The following FARP1 variants were observed in gnomAD, a reference collection of about 807,000 sequenced individuals.
FARP1 encodes FERM, ARH/RhoGEF and pleckstrin domain protein 1, also known as FERM, ARHGEF and pleckstrin domain-containing protein 1.
In FARP1, 52 loss-of-function variants were observed where a neutral mutation model predicts 128.8. The ratio of observed to expected loss-of-function variants is 0.40; its 90% CI spans 0.32 to 0.51. The LOEUF is 0.51. Among genes scored for constraint, FARP1 ranks in the 20% least tolerant of loss-of-function variants. The pLI is 0.45. For missense variants in FARP1, 1,333 were observed against 1,367.9 expected (o/e 0.97, Z 0.40); for synonymous variants, 580 against 551.8 (o/e 1.05, Z -0.72).
At chr13:98,157,075 C>T (rs982256472) in intron 1 of FARP1, among the ~76,000 whole-genome samples, 2 of 152,226 alleles carry the variant, frequency 1.3e-5, no homozygotes, top group Non-Finnish European at 2.9e-5. Context: ...GATCACCTCA[C>T]TGCATCACCG....
At chr13:98,442,894 TG>T (rs1892586660) in intron 24 of FARP1, among the ~76,000 whole-genome samples, 1 of 152,218 alleles carries the variant, frequency 6.6e-6, no homozygotes, top group African/African-American at 2.4e-5. Flanking sequence ...GGCTGGGGTT[TG>T]TCATAGGCCT....
At chr13:98,354,447 T>G (rs1388459095) in intron 3 of FARP1, among the ~76,000 whole-genome samples, 1 of 152,226 alleles carries the variant, frequency 6.6e-6, no homozygotes, top group Non-Finnish European at 1.5e-5. Context: ...ACGTTAGTTT[T>G]GACAGATCAC....
rs779011277 is a variant in FARP1, at chr13:98,446,097, G to A, written c.2797-1G>A. 6.2e-7 allele frequency: 1 copy of A among 1,611,086 alleles called. No homozygotes were observed. The highest frequency in any genetic ancestry group is 2.2e-5 in the East Asian group (1 of 44,862). On this transcript the variant is annotated splice_acceptor_variant, in intron 24 of 26. Transcript: ENST00000319562. LOFTEE classifies it high-confidence loss of function. ...TTCTCACAGGCCTCCTTGCCTTTCAGAATCAGTTGTCTGGAAACCTGCTGA... is the reference window on the plus strand; with the variant it reads ...TTCTCACAGGCCTCCTTGCCTTTCAAAATCAGTTGTCTGGAAACCTGCTGA...
intron 3 of FARP1, among the ~76,000 whole-genome samples, chr13:98,349,474 C>G (rs1888314143): frequency 6.6e-6 from 1 of 151,980 alleles, no homozygotes; most frequent in African/African-American, 2.4e-5. Flanking sequence ...GTGATTGACA[C>G]CAGCCTGGCC....
intron 2 of FARP1, among the ~76,000 whole-genome samples, chr13:98,282,969 A>G (rs1238678555): frequency 6.6e-6 from 1 of 152,296 alleles, no homozygotes; most frequent in East Asian, 1.9e-4. Flanking sequence ...ATTTTTTTTG[A>G]CATTGCCATA....
At chr13:98,213,122 G>C in intron 1 of FARP1, 98 bp from the exon 2 acceptor site, 1 of 893,608 alleles carries the variant, frequency 1.1e-6, no homozygotes, top group Non-Finnish European at 1.7e-6. Context: ...TGCAGGGGAT[G>C]GAGCCCCCTG....
At chr13:98,251,950 C>T (rs1280033959) in intron 2 of FARP1, among the ~76,000 whole-genome samples, 5 of 152,112 alleles carry the variant, frequency 3.3e-5, no homozygotes, top group Non-Finnish European at 5.9e-5. Context: ...TGGGTCCAAG[C>T]GATTCTCCTG....
At chr13:98,370,616 G>A (rs1889286922) in intron 5 of FARP1, among the ~76,000 whole-genome samples, 1 of 151,886 alleles carries the variant, frequency 6.6e-6, no homozygotes, top group South Asian at 2.1e-4. Context: ...ATGAGAAAAG[G>A]ATGGAGGGAA....
intron 20 of FARP1, 21 bp downstream of exon 20, chr13:98,438,893 G>A (rs7984446): frequency 0.068 from 109,108 of 1,610,588 alleles, 4,133 homozygotes; most frequent in African/African-American, 0.12. Context: ...AGAGCGGCTT[G>A]TCCTCACAAG....
At chr13:98,376,045 T>A (rs1889567730) in intron 5 of FARP1, among the ~76,000 whole-genome samples, 1 of 152,174 alleles carries the variant, frequency 6.6e-6, no homozygotes, top group Admixed American at 6.5e-5. Flanking sequence ...TTCACATCCA[T>A]TTTAACATTG....
At chr13:98,214,154 G>A (rs1476235282) in intron 2 of FARP1, among the ~76,000 whole-genome samples, 2 of 152,140 alleles carry the variant, frequency 1.3e-5, no homozygotes, top group East Asian at 1.9e-4. Flanking sequence ...GTTCTTCTCC[G>A]AGCCCCTGCC....
In FARP1 at chr13:98,447,844, C is replaced by CAA. The variant is rs60019968; in HGVS notation, c.3057-383_3057-382dup. 4.7e-3 allele frequency: 858 copies of CAA among 184,122 alleles called. 2 individuals are homozygous for CAA. The highest frequency in any genetic ancestry group is 0.012 in the South Asian group (122 of 10,328). The allele number at this position is 184,122 out of a possible 1,614,324, so 11.4% of individuals were successfully genotyped here. A position where few individuals can be genotyped will look rare whatever the true frequency, so the allele number is the denominator to read the frequency against. Reference sequence around the variant, plus strand: ...TGAGTGACAGAGCCAGACCCTGTCTCAAAAAAAAAAGAAAAAGAAAAAAGG... The same window carrying CAA: ...TGAGTGACAGAGCCAGACCCTGTCTCAAAAAAAAAAAAGAAAAAGAAAAAAGG... On this transcript the variant is annotated intron_variant, in intron 26 of 26. Coordinates refer to ENST00000319562, the MANE Select transcript of FARP1 (RefSeq NM_005766.4).
At chr13:98,349,672 G>GAAAAAA (rs56376512) in intron 3 of FARP1, among the ~76,000 whole-genome samples, 11 of 59,848 alleles carry the variant, frequency 1.8e-4, no homozygotes, top group Admixed American at 4.6e-4. Flanking sequence ...CCATCTCAGG[G>GAAAAAA]AAAAAAAAAA....
Position 98,256,948 on chromosome 13 carries a change from G to GGTATAT in FARP1, c.171+43535_171+43536insGTATAT, listed in dbSNP as rs59128917. ...CAATAATTTTCAAAGTATATATGTG[G>GGTATAT]ATATATATATATATATATATATATA... On this transcript the variant is annotated intron_variant, in intron 2 of 26. Transcript: ENST00000319562. Among the ~76,000 whole-genome samples, 564 of 77,052 alleles carry GGTATAT rather than the reference G, an allele frequency of 7.3e-3. 78 individuals are homozygous for GGTATAT. Among genetic ancestry groups the GGTATAT allele is most frequent in the Non-Finnish European group, 9.6e-3 (357 of 37,066 alleles). The allele number at this position is 77,052 out of a possible 152,430, so 50.5% of individuals were successfully genotyped here.
intron 2 of FARP1, among the ~76,000 whole-genome samples, chr13:98,295,106 T>C (rs12323257): frequency 0.018 from 450 of 24,542 alleles, 17 homozygotes; most frequent in Middle Eastern, 0.028. Flanking sequence ...CACACACACA[T>C]ATATCCCCAG....
intron 2 of FARP1, among the ~76,000 whole-genome samples, chr13:98,249,586 T>A (rs1883229007): frequency 6.6e-6 from 1 of 152,188 alleles, no homozygotes. Context: ...TTCCCCACCA[T>A]GTTCTTCACC....
intron 1 of FARP1, among the ~76,000 whole-genome samples, chr13:98,188,247 A>G (rs1384326396): frequency 2.0e-5 from 3 of 152,170 alleles, no homozygotes; most frequent in Non-Finnish European, 4.4e-5. Context: ...AGAAGCCTTC[A>G]TAAATATTTG....
At chr13:98,357,715 T>C (rs571203188) in intron 3 of FARP1, among the ~76,000 whole-genome samples, 101 of 152,342 alleles carry the variant, frequency 6.6e-4, no homozygotes, top group South Asian at 5.2e-3. Context: ...GGTTAGTTTT[T>C]ACTGATTTTT....
chr13:98,195,377 C>G (rs184369294), intron 1 of FARP1, among the ~76,000 whole-genome samples: 60 of 152,234 alleles, frequency 3.9e-4, no homozygotes, highest in Admixed American at 3.3e-3. Flanking sequence ...TTCCCCCGGG[C>G]TGTTTGTTTG....
Sources: gnomAD v4.1 joint callset for allele counts (sites outside exome capture counted in the v4.1 genomes callset) on GRCh38, gnomAD v4.1.1 for gene constraint, MANE v1.5 for transcripts, NCBI Gene and HGNC (gene_info 2026-07-23, HGNC 2026-07-21) for gene names.